GXYLT1: variants seen among roughly 807,000 people sequenced by gnomAD.
The protein encoded by GXYLT1 is glucoside xylosyltransferase 1, also known as glycosyltransferase 8 domain containing 3.
Under a neutral mutation model 54.0 loss-of-function variants are expected in GXYLT1, and 29 were observed. The observed-to-expected ratio is 0.54, with a 90% CI of 0.40 to 0.73. The LOEUF (loss-of-function observed/expected upper bound fraction) is 0.73, where lower values mean the gene tolerates loss of function less well. Ranked by LOEUF, GXYLT1 falls within the 30% of genes least tolerant of loss-of-function variation. The pLI is 0.00. For missense variants in GXYLT1, 490 were observed against 553.4 expected (o/e 0.89, Z 1.15); for synonymous variants, 176 against 204.1 (o/e 0.86, Z 1.17).
At chr12:42,135,094 T>C (rs2065612210) in intron 1 of GXYLT1, among the ~76,000 whole-genome samples, 1 of 152,222 alleles carries the variant, frequency 6.6e-6, no homozygotes. Context: ...CTTATTCAAG[T>C]GACTTGCTTT....
At chr12:42,136,508 G>A (rs1337809856) in intron 1 of GXYLT1, among the ~76,000 whole-genome samples, 7 of 152,068 alleles carry the variant, frequency 4.6e-5, no homozygotes, top group Admixed American at 4.6e-4. Flanking sequence ...GGATCAAACT[G>A]AAATAAAATG....
chr12:42,102,656 A>T (rs745983451), intron 5 of GXYLT1, among the ~76,000 whole-genome samples: 43 of 152,184 alleles, frequency 2.8e-4, no homozygotes, highest in Non-Finnish European at 5.6e-4. Context: ...CAAAGAAAAA[A>T]TTCCCACCAT....
chr12:42,138,854 G>A (rs187267663), intron 1 of GXYLT1, among the ~76,000 whole-genome samples: 16 of 152,032 alleles, frequency 1.1e-4, no homozygotes, highest in Non-Finnish European at 1.8e-4. Context: ...GTGAAACCCC[G>A]TCTCTACTAA....
intron 1 of GXYLT1, among the ~76,000 whole-genome samples, chr12:42,143,637 G>C (rs2065663592): frequency 6.6e-6 from 1 of 152,224 alleles, no homozygotes; most frequent in Non-Finnish European, 1.5e-5. Context: ...TTGCAAGGCA[G>C]TGCAAACGCT....
chr12:42,100,974 T>C (rs1437720561), intron 5 of GXYLT1, among the ~76,000 whole-genome samples: 2 of 151,768 alleles, frequency 1.3e-5, no homozygotes, highest in Non-Finnish European at 2.9e-5. Flanking sequence ...ACAAGAAATG[T>C]ACCTATTCAA....
chr12:42,104,641 G>A (rs934500493), intron 5 of GXYLT1, among the ~76,000 whole-genome samples: 6 of 151,768 alleles, frequency 4.0e-5, no homozygotes, highest in African/African-American at 1.5e-4. Flanking sequence ...CTGAAGTGTT[G>A]GCACATGGTA....
intron 7 of GXYLT1, among the ~76,000 whole-genome samples, chr12:42,093,142 G>T (rs1209336468): frequency 6.6e-6 from 1 of 152,170 alleles, no homozygotes; most frequent in East Asian, 1.9e-4. Context: ...CTTTTGCCCA[G>T]GCTGTAGTGC....
At chr12:42,131,753 T>G (rs890065520) in intron 1 of GXYLT1, among the ~76,000 whole-genome samples, 1 of 152,218 alleles carries the variant, frequency 6.6e-6, no homozygotes, top group Non-Finnish European at 1.5e-5. Context: ...AGTCTTTGAT[T>G]TCATACCACA....
chr12:42,109,484 A>G, intron 4 of GXYLT1, 82 bp downstream of exon 4: 1 of 917,120 alleles, frequency 1.1e-6, no homozygotes, highest in Non-Finnish European at 1.5e-6. Flanking sequence ...ATTATATGTA[A>G]CTCTTCAGAG....
At chr12:42,135,400 T>A (rs967934336) in intron 1 of GXYLT1, among the ~76,000 whole-genome samples, 2 of 152,232 alleles carry the variant, frequency 1.3e-5, no homozygotes, top group Non-Finnish European at 2.9e-5. Flanking sequence ...TTTTAAAGTG[T>A]GTAATTCAAT....
At chr12:42,135,256 A>G (rs2136919333) in intron 1 of GXYLT1, among the ~76,000 whole-genome samples, 1 of 152,356 alleles carries the variant, frequency 6.6e-6, no homozygotes, top group Non-Finnish European at 1.5e-5. Context: ...GGATCCCAGG[A>G]TGAGAAGATA....
At chr12:42,097,676 T>G in intron 6 of GXYLT1, 62 bp from the exon 7 acceptor site, 6 of 1,414,200 alleles carry the variant, frequency 4.2e-6, no homozygotes, top group Non-Finnish European at 5.8e-6. Context: ...TGTAACATTA[T>G]GCAAAACTTT....
chr12:42,120,278 G>A (rs2065522726), intron 2 of GXYLT1, among the ~76,000 whole-genome samples: 1 of 152,096 alleles, frequency 6.6e-6, no homozygotes, highest in African/African-American at 2.4e-5. Context: ...CTTAAACCAT[G>A]CTGACTACAA....
chr12:42,135,330 AACTGTTTAGATGTAT>A (rs1444648333), intron 1 of GXYLT1, among the ~76,000 whole-genome samples: 5 of 152,138 alleles, frequency 3.3e-5, no homozygotes, highest in Non-Finnish European at 7.4e-5. Flanking sequence ...TGCTATTGTA[AACTGTTTAGATGTAT>A]GGGGTTGTTA....
chr12:42,099,618 C>T (rs922229260), intron 5 of GXYLT1, among the ~76,000 whole-genome samples: 2 of 152,078 alleles, frequency 1.3e-5, no homozygotes, highest in Non-Finnish European at 2.9e-5. Flanking sequence ...TTTGGGAGGC[C>T]GAGGCAGGCT....
At chr12:42,109,541 A>AAT in intron 4 of GXYLT1, 25 bp downstream of exon 4, 2 of 1,444,054 alleles carry the variant, frequency 1.4e-6, no homozygotes, top group Non-Finnish European at 1.8e-6. Context: ...AAAAAAAAAA[A>AAT]AAGACACTAG....
intron 4 of GXYLT1, 43 bp downstream of exon 4, chr12:42,109,523 T>TAAAAAAA (rs201861073): frequency 1.1e-5 from 12 of 1,131,726 alleles, no homozygotes; most frequent in African/African-American, 4.1e-5. Context: ...GGTTCAAATT[T>TAAAAAAA]AAAAAAAAAA....
intron 3 of GXYLT1, among the ~76,000 whole-genome samples, chr12:42,117,469 G>C (rs138657245): frequency 6.6e-6 from 1 of 150,776 alleles, no homozygotes; most frequent in African/African-American, 2.4e-5. Flanking sequence ...GCAGAAAACT[G>C]AAAGATCTGA....
intron 3 of GXYLT1, among the ~76,000 whole-genome samples, chr12:42,117,634 G>C (rs956238697): frequency 3.3e-5 from 5 of 152,106 alleles, no homozygotes; most frequent in African/African-American, 1.2e-4. Flanking sequence ...AATAGAGAGG[G>C]AGGAAAGAGA....
Sources: allele counts gnomAD v4.1 joint callset (sites outside exome capture counted in the v4.1 genomes callset), GRCh38; gene constraint gnomAD v4.1.1; transcripts MANE v1.5; gene names NCBI Gene and HGNC (gene_info 2026-07-23, HGNC 2026-07-21).